Variants in MALRD1 observed in about 807,000 individuals in gnomAD.
MALRD1 encodes the protein MAM and LDL-receptor class A domain-containing protein 1.
MALRD1 carries 247 observed loss-of-function variants against 242.1 expected under a neutral mutation model. The ratio of observed to expected loss-of-function variants is 1.02; its 90% CI spans 0.92 to 1.13. MALRD1 has a LOEUF of 1.13. Among genes scored for constraint, MALRD1 ranks in the 50% most tolerant of loss-of-function variants. The pLI is 0.00. For synonymous variants in MALRD1, 995 were observed against 866.6 expected, an observed-to-expected ratio of 1.15 and a Z score of -2.60; for missense variants, 2,989 against 2,533.1, an observed-to-expected ratio of 1.18 and a Z score of -3.86.
intron 29 of MALRD1, among the ~76,000 whole-genome samples, chr10:19,463,540 T>C (rs1836052439): frequency 6.8e-6 from 1 of 146,636 alleles, no homozygotes; most frequent in African/African-American, 2.6e-5. Context: ...TTCGTTCCCT[T>C]TCGTGGCTGA....
Position 19,164,279 on chromosome 10 carries a change from T to TA in MALRD1, c.1657-1352dup, listed in dbSNP as rs528060612. On this transcript the variant is annotated intron_variant, in intron 12 of 39. Transcript: ENST00000454679. ...GGTGTTTTAAAATGAACAATTTTTTTAAAAAAGCATTTAAAACATTTTTTT... is the reference window on the plus strand; with the variant it reads ...GGTGTTTTAAAATGAACAATTTTTTTAAAAAAAGCATTTAAAACATTTTTTT... Among the ~76,000 whole-genome samples, 9 of 151,926 alleles carry TA rather than the reference T, an allele frequency of 5.9e-5. No individual in the cohort carries two copies. In the South Asian group the frequency reaches 1.9e-3, roughly 32 times the overall value.
intron 15 of MALRD1, 138 bp downstream of exon 15, chr10:19,204,018 G>A: frequency 2.6e-6 from 3 of 1,139,696 alleles, no homozygotes; most frequent in Non-Finnish European, 2.5e-6. Flanking sequence ...TTACAGTTAT[G>A]CTGTCTGCAT....
chr10:19,174,630 T>A (rs1399545525), intron 13 of MALRD1, among the ~76,000 whole-genome samples: 1 of 152,004 alleles, frequency 6.6e-6, no homozygotes, highest in Non-Finnish European at 1.5e-5. Flanking sequence ...ATATCAGTCA[T>A]TATTCAGCGT....
chr10:19,259,567 G>A (rs1839657693), intron 19 of MALRD1, among the ~76,000 whole-genome samples: 1 of 152,116 alleles, frequency 6.6e-6, no homozygotes, highest in African/African-American at 2.4e-5. Context: ...CACAAGAACA[G>A]TGTAGGAAAG....
intron 32 of MALRD1, among the ~76,000 whole-genome samples, chr10:19,539,916 ACACACGCG>A (rs1409583590): frequency 8.6e-5 from 4 of 46,756 alleles, no homozygotes; most frequent in Admixed American, 2.7e-4. Context: ...GCGTGCGCGC[ACACACGCG>A]CAGTGATGGG....
chr10:19,589,176 A>C (rs1837620503), intron 33 of MALRD1, among the ~76,000 whole-genome samples: 1 of 152,116 alleles, frequency 6.6e-6, no homozygotes, highest in Non-Finnish European at 1.5e-5. Flanking sequence ...ATATTGGTCC[A>C]AGATAGATAG....
In MALRD1 at chr10:19,170,318, TG is replaced by T. The variant is rs571890799; in HGVS notation, c.1830+4509del. On this transcript the variant is annotated intron_variant, in intron 13 of 39. Transcript: ENST00000454679. Reference sequence around the variant, plus strand: ...TTTCTTTTCCCCCTAACTATTGTGCTGTTTTAGTATCTCAAGGTGGCACTTT... The same window carrying T: ...TTTCTTTTCCCCCTAACTATTGTGCTTTTTAGTATCTCAAGGTGGCACTTT... Among the ~76,000 whole-genome samples the T allele has an allele frequency of 3.8e-4, 58 of 152,328 alleles. 1 individual carries two copies. In the South Asian group the frequency reaches 0.011, roughly 28 times the overall value.
At chr10:19,475,585 T>G (rs900480010) in intron 29 of MALRD1, among the ~76,000 whole-genome samples, 1 of 152,144 alleles carries the variant, frequency 6.6e-6, no homozygotes, top group South Asian at 2.1e-4. Context: ...AAATACTATG[T>G]CAAAAATATA....
chr10:19,693,396 T>C (rs545007446), intron 38 of MALRD1, among the ~76,000 whole-genome samples: 64 of 152,166 alleles, frequency 4.2e-4, no homozygotes, highest in African/African-American at 1.4e-3. Flanking sequence ...ACAAAATCAA[T>C]GTGCAAAAAT....
intron 38 of MALRD1, among the ~76,000 whole-genome samples, chr10:19,707,207 TCTC>T (rs1833906283): frequency 6.6e-6 from 1 of 151,198 alleles, no homozygotes; most frequent in Non-Finnish European, 1.5e-5. Flanking sequence ...TCTTCCTCCT[TCTC>T]CTCCTTCTTC....
chr10:19,172,176 C>CAT (rs1350695426), intron 13 of MALRD1, among the ~76,000 whole-genome samples: 11 of 136,380 alleles, frequency 8.1e-5, no homozygotes, highest in Non-Finnish European at 1.4e-4. Context: ...TATACACATA[C>CAT]ATATATATAC....
In MALRD1 at chr10:19,592,759, A is replaced by ACG. The variant is rs1414895826; in HGVS notation, c.5681-2434_5681-2433insGC. ...CACACACACACACACACACACACAC[A>ACG]CACGCACGCACACACACACACACAC... On this transcript the variant is annotated intron_variant, in intron 33 of 39. Transcript: ENST00000454679. 1.9e-3 allele frequency among the ~76,000 whole-genome samples: 269 copies of ACG among 139,682 alleles called. 2 individuals carry two copies. Among genetic ancestry groups the ACG allele is most frequent in the African/African-American group, 5.3e-3 (193 of 36,198 alleles). 91.6% of individuals were successfully genotyped at this position (139,682 alleles called of 152,430 possible). A position where few individuals can be genotyped will look rare whatever the true frequency, so the allele number is the denominator to read the frequency against.
chr10:19,514,786 A>G (rs1246476016), intron 31 of MALRD1, among the ~76,000 whole-genome samples: 1 of 152,168 alleles, frequency 6.6e-6, no homozygotes, highest in Non-Finnish European at 1.5e-5. Context: ...TTCCTAGGTC[A>G]ATTATCTAAA....
At chr10:19,413,020 T>G (rs1388972030) in intron 28 of MALRD1, among the ~76,000 whole-genome samples, 2 of 152,160 alleles carry the variant, frequency 1.3e-5, no homozygotes, top group African/African-American at 4.8e-5. Flanking sequence ...AATCTCTTTA[T>G]GTAAAGAGAT....
chr10:19,384,774 T>A (rs1846008607), intron 26 of MALRD1, among the ~76,000 whole-genome samples: 1 of 148,932 alleles, frequency 6.7e-6, no homozygotes, highest in East Asian at 1.9e-4. Flanking sequence ...TCTTACCTAA[T>A]TGCTCAGGCT....
rs367779899 is a variant in MALRD1, at chr10:19,295,193, GTTAA to G, written c.3419+12016_3419+12019del. Among the ~76,000 whole-genome samples, 725 of 151,918 alleles carry G rather than the reference GTTAA, an allele frequency of 4.8e-3. 10 individuals are homozygous for G. The highest frequency in any genetic ancestry group is 0.047 in the South Asian group (225 of 4,820). ...GAAACCATACACAGTAGAATTTTGTGTTAATTATTATTATTATAAATTATTACAA... is the reference window on the plus strand; with the variant it reads ...GAAACCATACACAGTAGAATTTTGTGTTATTATTATTATAAATTATTACAA... On this transcript the variant is annotated intron_variant, in intron 21 of 39. Coordinates refer to ENST00000454679, the MANE Select transcript of MALRD1 (RefSeq NM_001142308.3).
intron 29 of MALRD1, among the ~76,000 whole-genome samples, chr10:19,480,400 T>G (rs1836942242): frequency 6.6e-6 from 1 of 152,144 alleles, no homozygotes; most frequent in South Asian, 2.1e-4. Context: ...AGTCACAGTT[T>G]GTTTTTCTAG....
chr10:19,474,786 T>C (rs1052812673), intron 29 of MALRD1, among the ~76,000 whole-genome samples: 1 of 152,132 alleles, frequency 6.6e-6, no homozygotes, highest in African/African-American at 2.4e-5. Flanking sequence ...AAGAACTGTT[T>C]TGTCAACTTT....
At chr10:19,252,593 A>T (rs1839341886) in intron 18 of MALRD1, among the ~76,000 whole-genome samples, 1 of 152,044 alleles carries the variant, frequency 6.6e-6, no homozygotes, top group Non-Finnish European at 1.5e-5. Context: ...GTCAGTAATC[A>T]TCTTATAGTT....
Sources: allele counts gnomAD v4.1 joint callset (sites outside exome capture counted in the v4.1 genomes callset), GRCh38; gene constraint gnomAD v4.1.1; transcripts MANE v1.5; gene names NCBI Gene and HGNC (gene_info 2026-07-23, HGNC 2026-07-21).